The following TUSC3 variants were observed in gnomAD, a reference collection of about 807,000 sequenced individuals.
TUSC3 encodes the protein dolichyl-diphosphooligosaccharide--protein glycosyltransferase subunit TUSC3.
A neutral mutation model predicts 44.8 loss-of-function variants in TUSC3; 45 were observed. The ratio of observed to expected loss-of-function variants is 1.00; its 90% confidence interval spans 0.79 to 1.29. The LOEUF is 1.29. Ranked by LOEUF, TUSC3 falls within the 50% of genes most tolerant of loss-of-function variation. The probability of loss-of-function intolerance (pLI) is 0.00; values close to 1 mark genes in which losing one functional copy is unlikely to be tolerated. For synonymous variants in TUSC3, 212 were observed against 152.9 expected, an observed-to-expected ratio of 1.39 and a Z score of -2.85; for missense variants, 519 against 437.9, an observed-to-expected ratio of 1.19 and a Z score of -1.65.
At chr8:15,496,158 G>A (rs554685940) in intron 2 of TUSC3, among the ~76,000 whole-genome samples, 1 of 152,252 alleles carries the variant, frequency 6.6e-6, no homozygotes, top group African/African-American at 2.4e-5. Flanking sequence ...ATACGTCCTT[G>A]ATAAATGATG....
At chr8:15,459,704 G>A (rs1002389564) in intron 1 of TUSC3, among the ~76,000 whole-genome samples, 1 of 152,028 alleles carries the variant, frequency 6.6e-6, no homozygotes, top group African/African-American at 2.4e-5. Flanking sequence ...TCACATATCA[G>A]TGAGAAGATA....
At chr8:15,540,229 CCAGGTCTTCTCCCGGTGAACCGGATGCT>C (rs1801629704), upstream of TUSC3, 1 of 733,506 alleles carries the variant, frequency 1.4e-6, no homozygotes, top group Non-Finnish European at 2.0e-6. Flanking sequence ...CCGCGCCTTT[CCAGGTCTTCTCCCGGTGAACCGGATGCT>C]CTGTCAGTCT....
chr8:15,807,670 C>G, the TUSC3 span, among the ~76,000 whole-genome samples: 1 of 152,242 alleles, frequency 6.6e-6, no homozygotes, highest in South Asian at 2.1e-4. Context: ...GCATGTTGGA[C>G]TACTAAACAC....
At chr8:15,831,994 G>T in the TUSC3 span, among the ~76,000 whole-genome samples, 1 of 152,138 alleles carries the variant, frequency 6.6e-6, no homozygotes, top group African/African-American at 2.4e-5. Flanking sequence ...ATAGTCATCA[G>T]ATTCTCCAAG....
the TUSC3 span, chr8:15,806,629 G>A: frequency 2.2e-6 from 3 of 1,382,504 alleles, no homozygotes; most frequent in South Asian, 1.2e-5. Context: ...ATCTTTCAGT[G>A]TCATGGACTT....
chr8:15,748,220 G>T (rs1244037633), intron 8 of TUSC3, among the ~76,000 whole-genome samples, 155 bp from the exon 9 acceptor site: 2 of 152,014 alleles, frequency 1.3e-5, no homozygotes, highest in Admixed American at 6.6e-5. Flanking sequence ...TGAACACATT[G>T]GATACCTGTA....
At chr8:15,721,486 A>T (rs143281248) in intron 6 of TUSC3, among the ~76,000 whole-genome samples, 1 of 152,220 alleles carries the variant, frequency 6.6e-6, no homozygotes, top group African/African-American at 2.4e-5. Context: ...CACAGAGATT[A>T]TACTTTTCAT....
chr8:15,654,694 G>T (rs964588309), intron 3 of TUSC3, among the ~76,000 whole-genome samples: 3 of 152,124 alleles, frequency 2.0e-5, no homozygotes, highest in African/African-American at 7.2e-5. Context: ...CTACTGGGGA[G>T]GCTGAGGCAG....
At chr8:15,642,644 A>T (rs1806428799) in intron 2 of TUSC3, among the ~76,000 whole-genome samples, 1 of 152,192 alleles carries the variant, frequency 6.6e-6, no homozygotes, top group African/African-American at 2.4e-5. Context: ...AGGATTTAAG[A>T]TGTGAGTTAA....
At chr8:15,605,476 G>T (rs547412537) in intron 1 of TUSC3, among the ~76,000 whole-genome samples, 2 of 151,762 alleles carry the variant, frequency 1.3e-5, no homozygotes, top group African/African-American at 4.8e-5. Flanking sequence ...GTTGACCCTT[G>T]AACAACATGG....
chr8:15,661,138 A>G (rs911440848), intron 4 of TUSC3, among the ~76,000 whole-genome samples: 1 of 151,992 alleles, frequency 6.6e-6, no homozygotes, highest in African/African-American at 2.4e-5. Context: ...GAAAAAAATT[A>G]GGGTGAATTG....
intron 2 of TUSC3, among the ~76,000 whole-genome samples, chr8:15,504,010 T>C (rs1242209348): frequency 6.1e-5 from 5 of 82,060 alleles, no homozygotes; most frequent in African/African-American, 1.2e-4. Context: ...TGAGACTCTG[T>C]CTCAAAAAAA....
At chr8:15,719,641 T>C (rs1373732579) in intron 6 of TUSC3, among the ~76,000 whole-genome samples, 1 of 151,974 alleles carries the variant, frequency 6.6e-6, no homozygotes, top group Non-Finnish European at 1.5e-5. Context: ...TCAATAAATA[T>C]TTGTAGAATA....
intron 1 of TUSC3, among the ~76,000 whole-genome samples, chr8:15,426,566 G>A (rs1171556413): frequency 1.3e-5 from 2 of 152,170 alleles, no homozygotes; most frequent in Non-Finnish European, 2.9e-5. Context: ...TTGTCACAAA[G>A]GACAGGATTT....
intron 2 of TUSC3, among the ~76,000 whole-genome samples, chr8:15,646,445 T>TA (rs1324479982): frequency 1.3e-5 from 2 of 152,106 alleles, no homozygotes; most frequent in Non-Finnish European, 2.9e-5. Flanking sequence ...ATTGGGACAT[T>TA]AAATCTGAAA....
intron 2 of TUSC3, among the ~76,000 whole-genome samples, chr8:15,485,759 A>C (rs566696927): frequency 6.6e-6 from 1 of 150,816 alleles, no homozygotes; most frequent in African/African-American, 2.4e-5. Flanking sequence ...TTATTTGAGA[A>C]CTTTGCTTTG....
At chr8:15,428,577 A>G (rs375733250) in intron 1 of TUSC3, among the ~76,000 whole-genome samples, 157 of 152,266 alleles carry the variant, frequency 1.0e-3, no homozygotes, top group East Asian at 4.5e-3. Context: ...CTAGTTTACA[A>G]TCCCACCAAC....
intron 1 of TUSC3, among the ~76,000 whole-genome samples, chr8:15,605,414 A>C (rs1804477837): frequency 6.6e-6 from 1 of 152,008 alleles, no homozygotes. Context: ...AAAAATAAAC[A>C]TAACCATTTA....
intron 2 of TUSC3, among the ~76,000 whole-genome samples, chr8:15,526,992 T>C (rs977587268): frequency 5.9e-5 from 9 of 152,172 alleles, no homozygotes; most frequent in Non-Finnish European, 1.0e-4. Context: ...TATTCAAATT[T>C]TGTTGTGAAT....
Sources: gnomAD v4.1 joint callset for allele counts (sites outside exome capture counted in the v4.1 genomes callset) on GRCh38, gnomAD v4.1.1 for gene constraint, MANE v1.5 for transcripts, NCBI Gene and HGNC (gene_info 2026-07-23, HGNC 2026-07-21) for gene names.